TNRC6C: variants seen among roughly 807,000 people sequenced by gnomAD.
TNRC6C encodes trinucleotide repeat-containing gene 6C protein.
Under a neutral mutation model 153.7 loss-of-function variants are expected in TNRC6C, and 20 were observed. The ratio of observed to expected loss-of-function variants is 0.13; its 90% CI spans 0.09 to 0.19. The LOEUF is 0.19. Ranked by LOEUF, TNRC6C falls within the 10% of genes least tolerant of loss-of-function variation. The pLI is 1.00. For synonymous variants in TNRC6C, 811 were observed against 841.4 expected, an observed-to-expected ratio of 0.96 and a Z score of 0.63; for missense variants, 1,987 against 2,172.0, an observed-to-expected ratio of 0.91 and a Z score of 1.69.
intron 1 of TNRC6C, among the ~76,000 whole-genome samples, chr17:78,017,875 G>A (rs1218237792): frequency 6.6e-6 from 1 of 152,160 alleles, no homozygotes; most frequent in Admixed American, 6.5e-5. Flanking sequence ...CATACACACA[G>A]ACATACTCTA....
At position 78,006,442 on chromosome 17, in the gene TNRC6C, A is replaced by C. The variant is rs548499272; in HGVS notation, c.-546+1363A>C. ...ATGGTTTCTTACTATTGTCATTTCA[A>C]AATACAGAGTTAACTGTTCTGGATC... On this transcript the variant is annotated intron_variant, in intron 1 of 19. Transcript: ENST00000301624. Among the ~76,000 whole-genome samples, 3 of 152,268 alleles carry C rather than the reference A, an allele frequency of 2.0e-5. No homozygotes were observed. In the South Asian group the frequency reaches 6.2e-4, roughly 32 times the overall value.
chr17:77,963,227 C>G (rs2070874514), intron 1 of TNRC6C, among the ~76,000 whole-genome samples: 1 of 152,096 alleles, frequency 6.6e-6, no homozygotes, highest in Non-Finnish European at 1.5e-5. Flanking sequence ...AACTATATAA[C>G]CTTGTGCAGA....
intron 3 of TNRC6C, among the ~76,000 whole-genome samples, chr17:78,052,971 C>G (rs2072568244): frequency 6.6e-6 from 1 of 152,098 alleles, no homozygotes; most frequent in Non-Finnish European, 1.5e-5. Flanking sequence ...ATATTAAATT[C>G]CAGATTTCTG....
chr17:78,085,626 C>A (rs1042518232), intron 11 of TNRC6C, among the ~76,000 whole-genome samples: 1 of 152,124 alleles, frequency 6.6e-6, no homozygotes, highest in Non-Finnish European at 1.5e-5. Context: ...ATAACTTTAA[C>A]CAACTTTGTA....
chr17:78,001,843 A>G (rs1403080030), upstream of TNRC6C, among the ~76,000 whole-genome samples: 1 of 152,200 alleles, frequency 6.6e-6, no homozygotes, highest in Admixed American at 6.5e-5. Context: ...GATGCCAAGC[A>G]TGTCAGAAAC....
At chr17:77,973,150 G>A (rs768317149) in intron 1 of TNRC6C, among the ~76,000 whole-genome samples, 1 of 152,036 alleles carries the variant, frequency 6.6e-6, no homozygotes, top group Non-Finnish European at 1.5e-5. Context: ...CAGGTGATCC[G>A]CCCGTCTTGA....
intron 1 of TNRC6C, among the ~76,000 whole-genome samples, chr17:77,984,369 CA>C (rs1357876551): frequency 4.0e-4 from 54 of 133,880 alleles, no homozygotes; most frequent in African/African-American, 9.3e-4. Context: ...AAAAAAAAAA[CA>C]AAAAAAAAAA....
At chr17:78,082,240 G>C (rs908976523) in intron 10 of TNRC6C, among the ~76,000 whole-genome samples, 1 of 150,990 alleles carries the variant, frequency 6.6e-6, no homozygotes, top group Non-Finnish European at 1.5e-5. Flanking sequence ...TGGATATACC[G>C]GCATTTATTA....
At chr17:77,964,072 C>T (rs554239245) in intron 1 of TNRC6C, among the ~76,000 whole-genome samples, 1 of 152,264 alleles carries the variant, frequency 6.6e-6, no homozygotes, top group South Asian at 2.1e-4. Context: ...TGGAATCTTC[C>T]AGATATTTTG....
At chr17:77,980,982 G>T (rs1158255754) in intron 1 of TNRC6C, among the ~76,000 whole-genome samples, 1 of 151,936 alleles carries the variant, frequency 6.6e-6, no homozygotes, top group South Asian at 2.1e-4. Flanking sequence ...ATGTTTTTTG[G>T]TTTTTTGGTT....
intron 3 of TNRC6C, among the ~76,000 whole-genome samples, chr17:78,063,765 T>C (rs538405073): frequency 6.6e-6 from 1 of 152,332 alleles, no homozygotes; most frequent in African/African-American, 2.4e-5. Flanking sequence ...ATCTTCTCAT[T>C]TCTTTGCCCA....
intron 1 of TNRC6C, among the ~76,000 whole-genome samples, chr17:77,980,536 C>CA (rs2071060769): frequency 6.6e-6 from 1 of 152,182 alleles, no homozygotes; most frequent in East Asian, 1.9e-4. Flanking sequence ...TCTCACACAT[C>CA]AAACAAGCAA....
intron 3 of TNRC6C, among the ~76,000 whole-genome samples, chr17:78,055,961 G>A (rs1398274586): frequency 6.6e-6 from 1 of 152,156 alleles, no homozygotes; most frequent in Admixed American, 6.5e-5. Flanking sequence ...ACCCTACAGA[G>A]GTTAGAACCA....
Position 78,076,312 on chromosome 17 carries a change from G to A in TNRC6C, c.3061-873G>A, listed in dbSNP as rs145039420. The stretch of plus-strand genomic sequence containing the variant: ...TCTTATTTTGAGAGTCCTCCAGCAC[G>A]TGATCTGCCTCAGCTGCAGCTGTGG... On this transcript the variant is annotated intron_variant, in intron 8 of 19. Coordinates refer to ENST00000301624, the Ensembl canonical transcript of TNRC6C. Among the ~76,000 whole-genome samples the A allele has an allele frequency of 1.1e-3, 163 of 152,208 alleles. 4 individuals are homozygous for A. The East Asian group carries it at 0.018, about 17-fold the overall frequency.
At chr17:78,065,162 A>G (rs1352895990) in intron 4 of TNRC6C, among the ~76,000 whole-genome samples, 2 of 152,142 alleles carry the variant, frequency 1.3e-5, no homozygotes, top group African/African-American at 4.8e-5. Flanking sequence ...CAGCCTAGGC[A>G]GCATAGTGAG....
rs550385731 is a variant in TNRC6C, at chr17:78,024,280, C to T, written c.-545-7236C>T. On this transcript the variant is annotated intron_variant, in intron 1 of 19. Coordinates refer to ENST00000301624, the Ensembl canonical transcript of TNRC6C. Reference sequence around the variant, plus strand: ...AAGTTTGCTATTGTGAAAGAGACAGCAAGTTTTCTTCTCTGTTGTGGGTTG... The same window carrying T: ...AAGTTTGCTATTGTGAAAGAGACAGTAAGTTTTCTTCTCTGTTGTGGGTTG... Among the ~76,000 whole-genome samples the T allele has an allele frequency of 2.0e-5, 3 of 152,270 alleles. No homozygotes were observed. The South Asian group carries it at 6.2e-4, about 32-fold the overall frequency.
chr17:78,069,342 TCA>T (rs1409580413), intron 5 of TNRC6C, among the ~76,000 whole-genome samples: 1 of 152,132 alleles, frequency 6.6e-6, no homozygotes, highest in Non-Finnish European at 1.5e-5. Flanking sequence ...CAGACAGCAC[TCA>T]GAGACACCTG....
At chr17:77,972,562 C>T (rs141153912) in intron 1 of TNRC6C, among the ~76,000 whole-genome samples, 2 of 150,440 alleles carry the variant, frequency 1.3e-5, no homozygotes, top group East Asian at 3.9e-4. Flanking sequence ...GATTTTATAG[C>T]GATTGAGGTA....
rs540029374 is a variant in TNRC6C at position 78,042,469 on chromosome 17, A to G, written c.-218-6376A>G. ...AGCCGACGTGTATGGAAATACTTCA[A>G]ACTCCGAAATGGTATAAAGTATGTG... On this transcript the variant is annotated intron_variant, in intron 2 of 19. Coordinates refer to ENST00000301624, the Ensembl canonical transcript of TNRC6C. Among the ~76,000 whole-genome samples the G allele has an allele frequency of 4.6e-5, 7 of 152,284 alleles. No homozygotes were observed. In the East Asian group the frequency reaches 5.8e-4, roughly 13 times the overall value.
Sources: allele counts gnomAD v4.1 joint callset (sites outside exome capture counted in the v4.1 genomes callset), GRCh38; gene constraint gnomAD v4.1.1; transcripts MANE v1.5; gene names NCBI Gene and HGNC (gene_info 2026-07-23, HGNC 2026-07-21).